ASS1: variants seen among roughly 807,000 people sequenced by gnomAD.
The protein encoded by ASS1 is argininosuccinate synthase.
Under a neutral mutation model 60.5 loss-of-function variants are expected in ASS1, and 58 were observed. The ratio of observed to expected loss-of-function variants is 0.96; its 90% CI spans 0.78 to 1.19. The LOEUF is 1.19. Among genes scored for constraint, ASS1 ranks in the 50% most tolerant of loss-of-function variants. ASS1 has a pLI of 0.00. For synonymous variants in ASS1, 200 were observed against 206.9 expected (o/e 0.97, Z 0.29); for missense variants, 454 against 547.3 (o/e 0.83, Z 1.70).
intron 6 of ASS1, among the ~76,000 whole-genome samples, chr9:130,467,965 GT>G (rs1845785999): frequency 6.6e-6 from 1 of 152,142 alleles, no homozygotes; most frequent in South Asian, 2.1e-4. Context: ...TCCTTCTCAG[GT>G]TTTGAGGAGA....
intron 1 of ASS1, among the ~76,000 whole-genome samples, chr9:130,449,763 C>T (rs567001226): frequency 4.6e-5 from 7 of 152,302 alleles, no homozygotes; most frequent in East Asian, 3.9e-4. Flanking sequence ...TAGCCTAAGA[C>T]GGACATGTCT....
intron 3 of ASS1, among the ~76,000 whole-genome samples, chr9:130,457,843 G>A (rs1845481221): frequency 6.6e-6 from 1 of 152,152 alleles, no homozygotes; most frequent in Admixed American, 6.6e-5. Context: ...GCCACATCCA[G>A]TTTCACAGAA....
intron 1 of ASS1, among the ~76,000 whole-genome samples, chr9:130,450,052 G>T (rs1043757348): frequency 6.6e-6 from 1 of 152,150 alleles, no homozygotes; most frequent in Non-Finnish European, 1.5e-5. Flanking sequence ...CACCACCCGC[G>T]CCATCACACG....
At chr9:130,472,464 C>T (rs1193185563) in intron 8 of ASS1, among the ~76,000 whole-genome samples, 1 of 152,152 alleles carries the variant, frequency 6.6e-6, no homozygotes, top group Non-Finnish European at 1.5e-5. Flanking sequence ...TGTCCTGGCT[C>T]AGTTCCTAGG....
intron 5 of ASS1, among the ~76,000 whole-genome samples, chr9:130,465,507 G>T (rs998159390): frequency 1.3e-5 from 2 of 152,136 alleles, no homozygotes; most frequent in African/African-American, 4.8e-5. Context: ...CTGCATGCAG[G>T]CATGTCTCGC....
At chr9:130,455,705 C>A (rs1845434253) in intron 3 of ASS1, among the ~76,000 whole-genome samples, 1 of 152,220 alleles carries the variant, frequency 6.6e-6, no homozygotes, top group Non-Finnish European at 1.5e-5. Context: ...ATGGAGAAGC[C>A]CTTGCCACTT....
chr9:130,452,936 A>T (rs1245245597), intron 2 of ASS1, among the ~76,000 whole-genome samples: 8 of 152,254 alleles, frequency 5.3e-5, no homozygotes, highest in Non-Finnish European at 1.0e-4. Flanking sequence ...TCTTAGGTGC[A>T]AATTTTAGAA....
At chr9:130,500,897 C>T (rs1181770022) in intron 14 of ASS1, 79 bp from the exon 15 acceptor site, 1 of 1,511,284 alleles carries the variant, frequency 6.6e-7, no homozygotes, top group Non-Finnish European at 9.2e-7. Flanking sequence ...GCCACCCCAG[C>T]TCTGCCTGAA....
chr9:130,471,513 A>G lies in ASS1; in HGVS notation c.595A>G (p.Lys199Glu). The change falls in exon 8 of 15, where the codon AAG (lysine) becomes GAG (glutamate). Residue 199 changes from lysine (K) to glutamate (E), a missense_variant and splice_region_variant. Coordinates refer to ENST00000352480, the MANE Select transcript of ASS1 (RefSeq NM_054012.4). ...CGAGGCTGGAATCCTGGAGAACCCC[A>G]AGGTAATCCCCCAAACCCCATCTCC... Reference protein sequence around the residue: ...SYEAGILENPKNQAPPGLYTK... With the variant: ...SYEAGILENPENQAPPGLYTK... 1 of 1,613,982 alleles carries G rather than the reference A, an allele frequency of 6.2e-7. No homozygotes were observed. Among genetic ancestry groups the G allele is most frequent in the Non-Finnish European group, 8.5e-7 (1 of 1,179,920 alleles).
At chr9:130,468,251 C>A (rs897813709) in intron 6 of ASS1, among the ~76,000 whole-genome samples, 2 of 152,116 alleles carry the variant, frequency 1.3e-5, no homozygotes, top group Non-Finnish European at 2.9e-5. Flanking sequence ...ATGGGGCTTT[C>A]AAAAATCTCT....
intron 4 of ASS1, among the ~76,000 whole-genome samples, chr9:130,462,293 G>A (rs1845616800): frequency 6.6e-6 from 1 of 152,214 alleles, no homozygotes; most frequent in South Asian, 2.1e-4. Context: ...GTGGGACCGT[G>A]TTTACATGCA....
At chr9:130,480,597 G>A in intron 11 of ASS1, 148 bp downstream of exon 11, 1 of 824,134 alleles carries the variant, frequency 1.2e-6, no homozygotes, top group Non-Finnish European at 2.0e-6. Context: ...TGAGACCGCA[G>A]TTTCCCTCCT....
At chr9:130,453,375 A>G (rs1184052946) in intron 2 of ASS1, among the ~76,000 whole-genome samples, 1 of 152,276 alleles carries the variant, frequency 6.6e-6, no homozygotes, top group Non-Finnish European at 1.5e-5. Context: ...GCTCTTGCCA[A>G]AAGTGGCTTG....
chr9:130,489,789 G>A lies in ASS1; in HGVS notation c.970+325G>A, dbSNP rs951301903. ...TGCCAGGCACTGGGCACTGTGCGGC[G>A]ACATGCATCACCCCGCATGGTCCTC... is the stretch of plus-strand genomic sequence containing the variant. On this transcript the variant is annotated intron_variant, in intron 12 of 14. Transcript: ENST00000352480. This position sits in a 1 kb window ranked among gnomAD's most constrained non-coding sequence, Gnocchi z 4.1. Among the ~76,000 whole-genome samples the A allele has an allele frequency of 3.3e-5, 5 of 152,218 alleles. No homozygotes were observed. The highest frequency in any genetic ancestry group is 9.7e-5 in the African/African-American group (4 of 41,446).
intron 11 of ASS1, among the ~76,000 whole-genome samples, chr9:130,484,892 C>T (rs1219878404): frequency 6.6e-6 from 1 of 152,190 alleles, no homozygotes; most frequent in Non-Finnish European, 1.5e-5. Flanking sequence ...ACAATTAACA[C>T]TTTCGAAGAA....
upstream of ASS1, among the ~76,000 whole-genome samples, chr9:130,444,777 T>G: frequency 6.7e-6 from 1 of 149,168 alleles, no homozygotes; most frequent in Non-Finnish European, 1.5e-5. The surrounding 1 kb of genome is among the most constrained non-coding windows in gnomAD (Gnocchi z 4.7). Context: ...CGGGGGGAGG[T>G]GGGGACGAGG....
Position 130,469,034 on chromosome 9 carries a change from G to A in ASS1, c.496-1800G>A, listed in dbSNP as rs527526820. On this transcript the variant is annotated intron_variant, in intron 6 of 14. Transcript: ENST00000352480. The stretch of plus-strand genomic sequence containing the variant: ...CTTTAGCCTCTCCTTGCTCCTGGAC[G>A]GAGGTCCGCTGAGAAGGGAGGCAAA... Among the ~76,000 whole-genome samples the A allele has an allele frequency of 9.6e-4, 147 of 152,334 alleles. 1 individual carries two copies. In the Middle Eastern group the frequency reaches 0.01, roughly 11 times the overall value.
chr9:130,494,191 T>C lies in ASS1; in HGVS notation c.971-676T>C, dbSNP rs1846525886. 6.6e-6 allele frequency among the ~76,000 whole-genome samples: 1 copy of C among 152,212 alleles called. No individual in the cohort carries two copies. Among genetic ancestry groups the C allele is most frequent in the Non-Finnish European group, 1.5e-5 (1 of 68,038 alleles). ...GCTGCTTATCTATGCAGAAATATTCTATCTGCCCAGGAAAACAGCAGCAGG... is the reference window on the plus strand; with the variant it reads ...GCTGCTTATCTATGCAGAAATATTCCATCTGCCCAGGAAAACAGCAGCAGG... On this transcript the variant is annotated intron_variant, in intron 12 of 14. Coordinates refer to ENST00000352480, the MANE Select transcript of ASS1 (RefSeq NM_054012.4). The surrounding 1 kb of genome is among the most constrained non-coding windows in gnomAD (Gnocchi z 4.3).
At chr9:130,486,971 T>C (rs1448244025) in intron 11 of ASS1, among the ~76,000 whole-genome samples, 2 of 152,214 alleles carry the variant, frequency 1.3e-5, no homozygotes, top group African/African-American at 4.8e-5. Flanking sequence ...CACCTGGAGC[T>C]GAGATGGGAG....
Sources: allele counts gnomAD v4.1 joint callset (sites outside exome capture counted in the v4.1 genomes callset), GRCh38; gene constraint gnomAD v4.1.1; non-coding constraint Gnocchi (gnomAD v3.1); transcripts MANE v1.5; gene names NCBI Gene and HGNC (gene_info 2026-07-23, HGNC 2026-07-21).